The following OCM variants were observed in gnomAD, a reference collection of about 807,000 sequenced individuals.
OCM encodes oncomodulin-1.
A neutral mutation model predicts 14.1 loss-of-function variants in OCM; 18 were observed. The ratio of observed to expected loss-of-function variants is 1.28; its 90% CI spans 0.88 to 1.89. OCM has a LOEUF of 1.89. Ranked by LOEUF, OCM falls within the 40% of genes most tolerant of loss-of-function variation. The pLI, the probability that OCM is intolerant of heterozygous loss-of-function variation, is 0.00. For synonymous variants in OCM, 48 were observed against 51.0 expected (o/e 0.94, Z 0.25); for missense variants, 140 against 137.6 (o/e 1.02, Z -0.09).
chr7:5,878,577 T>A (rs1364482607), upstream of OCM, among the ~76,000 whole-genome samples: 2 of 151,464 alleles, frequency 1.3e-5, no homozygotes, highest in Non-Finnish European at 2.9e-5. Flanking sequence ...AAACCCTGTC[T>A]GTACTAAAAA....
At chr7:5,880,716 G>A (rs532628739), upstream of OCM, 5 of 566,216 alleles carry the variant, frequency 8.8e-6, no homozygotes, top group Non-Finnish European at 1.2e-5. Flanking sequence ...CCGAGATCAC[G>A]CTCTTGCACT....
upstream of OCM, among the ~76,000 whole-genome samples, chr7:5,876,474 G>A (rs1275794935): frequency 1.3e-5 from 2 of 152,126 alleles, no homozygotes; most frequent in Non-Finnish European, 2.9e-5. Context: ...TTAAGGGGCT[G>A]GGCGAGGTGA....
the OCM span, among the ~76,000 whole-genome samples, chr7:5,860,779 C>T: frequency 1.5e-4 from 19 of 130,104 alleles, 2 homozygotes; most frequent in South Asian, 4.7e-4. Flanking sequence ...CGTATATATA[C>T]GTGTATATAT....
upstream of OCM, among the ~76,000 whole-genome samples, chr7:5,878,578 G>C (rs1303109288): frequency 1.5e-4 from 23 of 151,194 alleles, no homozygotes; most frequent in East Asian, 8.1e-4. Flanking sequence ...AACCCTGTCT[G>C]TACTAAAAAA....
chr7:5,871,204 A>C, the OCM span, among the ~76,000 whole-genome samples: 1 of 151,210 alleles, frequency 6.6e-6, no homozygotes, highest in Non-Finnish European at 1.5e-5. Context: ...AAATAAAATA[A>C]ATTAGCTGGG....
intron 2 of OCM, among the ~76,000 whole-genome samples, chr7:5,883,042 T>C (rs113255905): frequency 0.077 from 11,681 of 151,960 alleles, 501 homozygotes; most frequent in South Asian, 0.11. Flanking sequence ...GGGGCTTCAC[T>C]ATGTTGCCAG....
chr7:5,877,710 C>G (rs1162181494), upstream of OCM, among the ~76,000 whole-genome samples: 1 of 147,562 alleles, frequency 6.8e-6, no homozygotes, highest in Non-Finnish European at 1.5e-5. Context: ...ATCCCAGCTA[C>G]TTGGGAGGCT....
intron 2 of OCM, among the ~76,000 whole-genome samples, chr7:5,883,149 T>C (rs1281890205): frequency 1.3e-5 from 2 of 152,008 alleles, no homozygotes; most frequent in Admixed American, 6.6e-5. Context: ...GCCACAAAGA[T>C]TCTTTCATGT....
chr7:5,860,058 C>A, the OCM span, among the ~76,000 whole-genome samples: 1 of 68,370 alleles, frequency 1.5e-5, no homozygotes, highest in African/African-American at 7.0e-5. Context: ...TACAAGGAGA[C>A]CCCCCCCACA....
At position 5,881,490 on chromosome 7, in the gene OCM, C is replaced by T. The variant is rs147550332; in HGVS notation, c.61+540C>T. Among the ~76,000 whole-genome samples, 570 of 151,966 alleles carry T rather than the reference C, an allele frequency of 3.8e-3. 4 individuals carry two copies. The highest frequency in any genetic ancestry group is 0.013 in the African/African-American group (535 of 41,420). On this transcript the variant is annotated intron_variant, in intron 1 of 3. Transcript: ENST00000242104. ...ACAATAAAAATAAAAACTAGCGGGG[C>T]ATGGTGGCATGTGCCTGTGGTCCCA...
the OCM span, among the ~76,000 whole-genome samples, chr7:5,860,476 T>TGTATATATATTAC: frequency 2.7e-5 from 1 of 36,576 alleles, no homozygotes; most frequent in African/African-American, 3.7e-4. Context: ...TATATATACG[T>TGTATATATATTAC]GTATATATAC....
Position 5,882,630 on chromosome 7 carries a change from G to T in OCM, c.194+5G>T. On this transcript the variant is annotated splice_donor_5th_base_variant and intron_variant, in intron 2 of 3. Transcript: ENST00000242104. ...CCTGGATGAAGAAGAGCTTAAGTAAGCTTTGTCCTGAGTCTGTCTGGTACC... is the reference window on the plus strand; with the variant it reads ...CCTGGATGAAGAAGAGCTTAAGTAATCTTTGTCCTGAGTCTGTCTGGTACC... 1 of 1,614,026 alleles carries T rather than the reference G, an allele frequency of 6.2e-7. No homozygotes were observed. The highest frequency in any genetic ancestry group is 8.5e-7 in the Non-Finnish European group (1 of 1,179,958).
the OCM span, among the ~76,000 whole-genome samples, chr7:5,866,519 A>G: frequency 6.6e-6 from 1 of 151,622 alleles, no homozygotes; most frequent in Admixed American, 6.6e-5. Flanking sequence ...GGAAGGAAGG[A>G]TGTTGAATTT....
intron 2 of OCM, among the ~76,000 whole-genome samples, chr7:5,883,381 C>T (rs961879081): frequency 4.0e-4 from 61 of 151,436 alleles, no homozygotes; most frequent in African/African-American, 1.4e-3. Context: ...ATTAAAAACA[C>T]TAAAAACTTA....
chr7:5,868,793 TG>T, the OCM span, among the ~76,000 whole-genome samples: 1 of 152,124 alleles, frequency 6.6e-6, no homozygotes, highest in Admixed American at 6.5e-5. Context: ...CCGAGCACGG[TG>T]GCTGATGCCT....
the OCM span, among the ~76,000 whole-genome samples, chr7:5,870,979 C>T: frequency 0.035 from 5,333 of 151,990 alleles, 122 homozygotes; most frequent in Non-Finnish European, 0.052. Context: ...CTCCACCTTC[C>T]GGGTTCAAGT....
chr7:5,864,447 TCTC>T, the OCM span, among the ~76,000 whole-genome samples: 4 of 152,060 alleles, frequency 2.6e-5, no homozygotes, highest in African/African-American at 7.2e-5. Flanking sequence ...GAGTTGGGGT[TCTC>T]TTTTCTCCTC....
the OCM span, among the ~76,000 whole-genome samples, chr7:5,860,316 CCTAAGCAGTTT>C: frequency 1.4e-5 from 2 of 139,040 alleles, no homozygotes; most frequent in African/African-American, 2.5e-5. Flanking sequence ...TTCACACATG[CCTAAGCAGTTT>C]GGGGCTCTCC....
intron 2 of OCM, among the ~76,000 whole-genome samples, chr7:5,883,336 G>C (rs1270119641): frequency 7.2e-5 from 11 of 152,088 alleles, no homozygotes; most frequent in Non-Finnish European, 1.5e-5. Context: ...GGGTGACAGA[G>C]AGAGACTCTG....
Sources: allele counts gnomAD v4.1 joint callset (sites outside exome capture counted in the v4.1 genomes callset), GRCh38; gene constraint gnomAD v4.1.1; transcripts MANE v1.5; gene names NCBI Gene and HGNC (gene_info 2026-07-23, HGNC 2026-07-21).